TLE5: variants seen among roughly 807,000 people sequenced by gnomAD.
The protein encoded by TLE5 is TLE family member 5, transcriptional modulator.
A neutral mutation model predicts 25.8 loss-of-function variants in TLE5; 7 were observed. The observed-to-expected ratio is 0.27, with a 90% CI of 0.15 to 0.51. The LOEUF (loss-of-function observed/expected upper bound fraction) is 0.51. Among genes scored for constraint, TLE5 ranks in the 20% least tolerant of loss-of-function variants. TLE5 has a pLI of 0.97. For synonymous variants in TLE5, 132 were observed against 110.5 expected (o/e 1.20, Z -1.22); for missense variants, 149 against 250.7 (o/e 0.59, Z 2.74).
chr19:3,057,905 C>T (rs1427278874), intron 2 of TLE5, among the ~76,000 whole-genome samples, 163 bp from the exon 3 acceptor site: 2 of 151,870 alleles, frequency 1.3e-5, no homozygotes, highest in Non-Finnish European at 2.9e-5. Flanking sequence ...TAAATTGAGA[C>T]GGGGGTCTCC....
At position 3,062,389 on chromosome 19, in the gene TLE5, G is replaced by T; in HGVS notation, c.-189C>A. 1 of 715,726 alleles carries T rather than the reference G, an allele frequency of 1.4e-6. No homozygotes were observed. Among genetic ancestry groups the T allele is most frequent in the Non-Finnish European group, 1.7e-6 (1 of 595,712 alleles). The allele number at this position is 715,726 out of a possible 1,614,324, so 44.3% of individuals were successfully genotyped here. On this transcript the variant is annotated 5_prime_UTR_variant, in exon 1 of 7. Coordinates refer to ENST00000327141, the MANE Select transcript of TLE5 (RefSeq NM_001130.6). The stretch of plus-strand genomic sequence containing the variant: ...CGCGCGCCCGGCCCCGGCGCGCCCC[G>T]GGCCCCGCTTCCTGCGCGCCCGGCG...
intron 1 of TLE5, among the ~76,000 whole-genome samples, chr19:3,061,812 G>T (rs538725322): frequency 4.2e-4 from 63 of 150,640 alleles, no homozygotes; most frequent in Non-Finnish European, 8.0e-4. Flanking sequence ...CGGGCTAGAG[G>T]TGCCTCGCGG....
intron 1 of TLE5, 35 bp from the exon 2 acceptor site, chr19:3,061,292 C>A (rs1013487181): frequency 1.7e-5 from 27 of 1,559,308 alleles, no homozygotes; most frequent in Non-Finnish European, 2.2e-5. Context: ...CAGGCCCAGG[C>A]GTGGGCTGGA....
At chr19:3,054,086 T>TCGGGGGGGGGGGGCCCCCCCCCCC in intron 6 of TLE5, 34 bp downstream of exon 6, 1 of 1,512,810 alleles carries the variant, frequency 6.6e-7, no homozygotes, top group Non-Finnish European at 8.9e-7. Flanking sequence ...GGCCCACCTG[T>TCGGGGGGGGGGGGCCCCCCCCCCC]CCCCCGCCCA....
chr19:3,056,697 T>G, intron 3 of TLE5: 2 of 464,008 alleles, frequency 4.3e-6, no homozygotes, highest in Non-Finnish European at 8.3e-6. Context: ...TATCTTTCTA[T>G]GTCTTGTCTG....
At position 3,053,822 on chromosome 19, in the gene TLE5, A is replaced by G. The variant is rs1393166134; in HGVS notation, c.591T>C (p.Asp197=). Residue 197 remains aspartate, a synonymous_variant, in exon 7 of 7, where the codon GAT becomes GAC. Coordinates refer to ENST00000327141, the MANE Select transcript of TLE5 (RefSeq NM_001130.6). ...THQEDDGEKS[D] ...ACCTCCCTGTCCCGGCCCCCTGCTA[A>G]TCCGACTTCTCGCCATCATCCTCCT... is the stretch of plus-strand genomic sequence containing the variant. The G allele has an allele frequency of 2.5e-6, 4 of 1,613,016 alleles. No homozygotes were observed. Among genetic ancestry groups the G allele is most frequent in the Admixed American group, 3.3e-5 (2 of 60,016 alleles).
At chr19:3,056,093 G>A (rs974855739) in intron 4 of TLE5, 11 of 526,112 alleles carry the variant, frequency 2.1e-5, no homozygotes, top group Middle Eastern at 4.9e-4. Context: ...CCCCACCACC[G>A]GGAGAAACAC....
chr19:3,057,585 C>G (rs757804185), intron 3 of TLE5, 94 bp downstream of exon 3: 98 of 1,257,706 alleles, frequency 7.8e-5, no homozygotes, highest in Non-Finnish European at 1.1e-4. Flanking sequence ...GGGGAGGTGG[C>G]CGGGGTTGAG....
chr19:3,053,728 C>G lies in TLE5; in HGVS notation c.*91G>C. The G allele has an allele frequency of 1.4e-6, 2 of 1,411,238 alleles. No homozygotes were observed. The highest frequency in any genetic ancestry group is 1.9e-6 in the Non-Finnish European group (2 of 1,042,424). The allele number at this position is 1,411,238 out of a possible 1,614,324, so 87.4% of individuals were successfully genotyped here. A position where few individuals can be genotyped will look rare whatever the true frequency, so the allele number is the denominator to read the frequency against. ...CTATGGGAGTTTAGCCAATCCCGAGCTCCGCTGTGTCTTGTGCTAAACATT... is the reference window on the plus strand; with the variant it reads ...CTATGGGAGTTTAGCCAATCCCGAGGTCCGCTGTGTCTTGTGCTAAACATT... On this transcript the variant is annotated 3_prime_UTR_variant, in exon 7 of 7. Transcript: ENST00000327141.
chr19:3,053,033 G>A lies in TLE5; in HGVS notation c.*786C>T, dbSNP rs2090186834. On this transcript the variant is annotated 3_prime_UTR_variant, in exon 7 of 7. Coordinates refer to ENST00000327141, the MANE Select transcript of TLE5 (RefSeq NM_001130.6). Reference sequence around the variant, plus strand: ...ATAAGCTGACTATATACAGACACAGGTGTGGGTGTTGCTTTTTTTTAAAAA... The same window carrying A: ...ATAAGCTGACTATATACAGACACAGATGTGGGTGTTGCTTTTTTTTAAAAA... 6.6e-6 allele frequency: 1 copy of A among 151,456 alleles called. No homozygotes were observed. The highest frequency in any genetic ancestry group is 1.5e-5 in the Non-Finnish European group (1 of 67,940). 9.4% of individuals were successfully genotyped at this position (151,456 alleles called of 1,614,324 possible).
upstream of TLE5, chr19:3,062,874 CAGAA>C (rs1422122235): frequency 6.9e-7 from 1 of 1,449,372 alleles, no homozygotes; most frequent in Non-Finnish European, 9.5e-7. Context: ...TCCTTTTCTG[CAGAA>C]AGGCAGCGGT....
rs759335160 is a variant in TLE5 at position 3,053,987 on chromosome 19, C to G, written c.426G>C (p.Leu142Phe). The change falls in exon 7 of 7, where the codon TTG (leucine) becomes TTC (phenylalanine). Residue 142 changes from leucine (L) to phenylalanine (F), a missense_variant. Physicochemically the swap from Leu to Phe is conservative, Grantham distance 22. Transcript: ENST00000327141. ...LSQLQALALP[L>F]TPLPVGLQPP... is the part of the protein sequence containing the mutation. ...GCTGCAGCCCCACGGGTAGTGGGGT[C>G]AAGGGCAGGGCCAGGGCCTGCAGCT... The G allele has an allele frequency of 6.2e-7, 1 of 1,609,046 alleles. No homozygotes were observed. The highest frequency in any genetic ancestry group is 8.5e-7 in the Non-Finnish European group (1 of 1,178,510).
chr19:3,054,217 G>A (rs1157025208), intron 5 of TLE5, 23 bp from the exon 6 acceptor site: 4 of 1,602,724 alleles, frequency 2.5e-6, no homozygotes, highest in African/African-American at 1.3e-5. Context: ...CGGGGGAGAG[G>A]AGAGGCAGTG....
upstream of TLE5, chr19:3,062,782 G>T: frequency 6.5e-7 from 1 of 1,549,516 alleles, no homozygotes. Flanking sequence ...CGGCCCTGCT[G>T]TGGCACGACC....
At chr19:3,056,113 G>A (rs2090215320) in intron 4 of TLE5, 199 bp downstream of exon 4, 1 of 534,192 alleles carries the variant, frequency 1.9e-6, no homozygotes, top group Non-Finnish European at 3.3e-6. Context: ...CTCCCAGGGA[G>A]GCCTGAAAAA....
At chr19:3,056,429 T>A (rs1011620394) in intron 3 of TLE5, 73 bp from the exon 4 acceptor site, 21 of 333,238 alleles carry the variant, frequency 6.3e-5, no homozygotes, top group Non-Finnish European at 6.2e-5. Context: ...GACAAAGAGA[T>A]AGGGGAGTGG....
At chr19:3,054,586 G>A (rs969065349) in intron 5 of TLE5, 7 of 229,912 alleles carry the variant, frequency 3.0e-5, no homozygotes, top group African/African-American at 4.5e-5. Context: ...GTACAGGGAC[G>A]TCCTGATCCT....
chr19:3,061,067 C>T (rs2090261931), intron 2 of TLE5, 93 bp downstream of exon 2: 2 of 910,960 alleles, frequency 2.2e-6, no homozygotes, highest in African/African-American at 1.6e-5. Context: ...ATATTATTTT[C>T]CCAATCTCCA....
chr19:3,055,775 G>T lies in TLE5; in HGVS notation c.235-49C>A, dbSNP rs768750026. 5 of 1,554,468 alleles carry T rather than the reference G, an allele frequency of 3.2e-6. No individual in the cohort carries two copies. The East Asian group carries it at 1.1e-4, about 36-fold the overall frequency. ...CTTCAGTCCTGGGCGGGTGGCAGGT[G>T]CAGGCTAGCCACAGGAGGCCTGCGC... On this transcript the variant is annotated intron_variant, in intron 4 of 6. Transcript: ENST00000327141.
Sources: gnomAD v4.1 joint callset for allele counts (sites outside exome capture counted in the v4.1 genomes callset) on GRCh38, gnomAD v4.1.1 for gene constraint, MANE v1.5 for transcripts, NCBI Gene and HGNC (gene_info 2026-07-23, HGNC 2026-07-21) for gene names.